Variants in OR5M11 observed in about 807,000 individuals in gnomAD.
OR5M11 encodes olfactory receptor 5M11.
For missense variants in OR5M11, 411 were observed against 375.8 expected (o/e 1.09, Z -0.77); for synonymous variants, 183 against 147.7 (o/e 1.24, Z -1.73).
chr11:56,542,639 A>G lies in OR5M11; in HGVS notation c.619T>C (p.Ser207Pro). The G allele has an allele frequency of 6.2e-7, 1 of 1,613,982 alleles. No individual in the cohort carries two copies. Among genetic ancestry groups the G allele is most frequent in the Non-Finnish European group, 8.5e-7 (1 of 1,179,896 alleles). ...AMFISAGFNL[S>P]SSLTIVLVSY... ...ACCAAGACGATGGTGAGGGAGCTGG[A>G]GAGGTTGAAGCCAGCAGATATGAAC... Residue 207 changes from serine (S) to proline (P), a missense_variant, in exon 1 of 1, where the codon TCC becomes CCC. Ser to Pro is a moderately conservative substitution (Grantham distance 74). Transcript: ENST00000528616.
chr11:56,542,483 T>C lies in OR5M11; in HGVS notation c.775A>G (p.Ile259Val). 6.2e-7 allele frequency: 1 copy of C among 1,614,014 alleles called. No homozygotes were observed. The highest frequency in any genetic ancestry group is 8.5e-7 in the Non-Finnish European group (1 of 1,179,870). ...LFYGTLFCMY[I>V]RPPTDKTVEE... ...ACAGTCTTATCTGTTGGTGGTCTTA[T>C]ATACATGCAAAAGAGAGTCCCATAA... Residue 259 changes from isoleucine (I) to valine (V), a missense_variant, in exon 1 of 1, where the codon ATA becomes GTA. Coordinates refer to ENST00000528616, the MANE Select transcript of OR5M11 (RefSeq NM_001005245.1).
Position 56,543,209 on chromosome 11 carries a change from G to T in OR5M11, c.49C>A (p.Leu17Ile). The change falls in exon 1 of 1, where the codon CTC becomes ATC. Residue 17 changes from leucine to isoleucine, a missense_variant. Coordinates refer to ENST00000528616, the MANE Select transcript of OR5M11 (RefSeq NM_001005245.1). ...GACTGGAGTTCCGGGCAATCTGTGA[G>T]CCCAAGTAAAATGAATTCTGTGATT... is the stretch of plus-strand genomic sequence containing the variant. The part of the protein sequence containing the change: ...SAITEFILLG[L>I]TDCPELQSLL... The T allele has an allele frequency of 6.2e-7, 1 of 1,613,820 alleles. No homozygotes were observed. Among genetic ancestry groups the T allele is most frequent in the African/African-American group, 1.3e-5 (1 of 75,020 alleles).
Position 56,542,399 on chromosome 11 carries a change from A to G in OR5M11, c.859T>C (p.Leu287=), listed in dbSNP as rs138434622. 14 of 1,613,112 alleles carry G rather than the reference A, an allele frequency of 8.7e-6. No homozygotes were observed. In the Admixed American group the frequency reaches 2.3e-4, roughly 27 times the overall value. Residue 287 remains leucine, a synonymous_variant, in exon 1 of 1, where the codon TTG becomes CTG. Coordinates refer to ENST00000528616, the MANE Select transcript of OR5M11 (RefSeq NM_001005245.1). ...TCTTTATTCCTCAGACTGTAGATCAATGGATTAAGTACCGGACTCACAAAG... is the reference window on the plus strand; with the variant it reads ...TCTTTATTCCTCAGACTGTAGATCAGTGGATTAAGTACCGGACTCACAAAG... ...YTFVSPVLNP[L]IYSLRNKDVK... is the part of the protein sequence containing the mutation.
In OR5M11 at chr11:56,542,421, A is replaced by G. The variant is rs924232598; in HGVS notation, c.837T>C (p.Phe279=). ...TCAATGGATTAAGTACCGGACTCAC[A>G]AAGGTGTAAAAGACAGCTATTATTT... ...ESKIIAVFYT[F]VSPVLNPLIY... The change falls in exon 1 of 1, where the codon TTT becomes TTC. Residue 279 remains phenylalanine (F), a synonymous_variant. Transcript: ENST00000528616. The G allele has an allele frequency of 6.2e-7, 1 of 1,613,468 alleles. No individual in the cohort carries two copies. Among genetic ancestry groups the G allele is most frequent in the African/African-American group, 1.3e-5 (1 of 74,918 alleles).
At position 56,542,697 on chromosome 11, in the gene OR5M11, A is replaced by G; in HGVS notation, c.561T>C (p.Ser187=). 6.2e-7 allele frequency: 1 copy of G among 1,613,954 alleles called. No individual in the cohort carries two copies. Among genetic ancestry groups the G allele is most frequent in the South Asian group, 1.1e-5 (1 of 91,074 alleles). The change falls in exon 1 of 1, where the codon TCT becomes TCC. Residue 187 remains serine, a synonymous_variant. Transcript: ENST00000528616. ...GCTCTTTGACATAAGTATCAGAACA[A>G]GAAAGCTTAATGAGCGGCGGGTCAG... is the stretch of plus-strand genomic sequence containing the variant. ...YCADPPLIKL[S]CSDTYVKEHA...
rs769702277 is a variant in OR5M11 at position 56,542,347 on chromosome 11, A to C, written c.911T>G (p.Leu304Arg). 1 of 1,580,440 alleles carries C rather than the reference A, an allele frequency of 6.3e-7. No homozygotes were observed. The highest frequency in any genetic ancestry group is 1.2e-5 in the South Asian group (1 of 86,362). ...KDVKQALKNVLR is the reference protein window; with the variant it reads ...KDVKQALKNVRR Reference sequence around the variant, plus strand: ...CATGGTCATGACAATATTTCATCTCAGGACATTCTTCAAGGCCTGCTTCAC... The same window carrying C: ...CATGGTCATGACAATATTTCATCTCCGGACATTCTTCAAGGCCTGCTTCAC... Residue 304 changes from leucine to arginine, a missense_variant, in exon 1 of 1, where the codon CTG becomes CGG. Transcript: ENST00000528616.
At position 56,542,579 on chromosome 11, in the gene OR5M11, TC is replaced by T. The variant is rs1362118508; in HGVS notation, c.678del (p.Ile227SerfsTer18). The T allele has an allele frequency of 3.7e-6, 6 of 1,613,816 alleles. No individual in the cohort carries two copies. Among genetic ancestry groups the T allele is most frequent in the Non-Finnish European group, 5.1e-6 (6 of 1,179,900 alleles). The part of the protein sequence containing the change: ...SYAFILAAIL[R>X]IKSAEGRHKA... ...TTGTGCCTTCCCTCTGCTGATTTGA[TC>T]CGGAGGATGGCAGCAAGAATGAAGG... On this transcript the variant is annotated frameshift_variant, in exon 1 of 1. Transcript: ENST00000528616. LOFTEE classifies it low-confidence loss of function (END_TRUNC).
At position 56,542,491 on chromosome 11, in the gene OR5M11, CA is replaced by C. The variant is rs1354186124; in HGVS notation, c.766del (p.Cys256AlafsTer4). On this transcript the variant is annotated frameshift_variant, in exon 1 of 1. Coordinates refer to ENST00000528616, the MANE Select transcript of OR5M11 (RefSeq NM_001005245.1). LOFTEE classifies it low-confidence loss of function (END_TRUNC). ...ATCTGTTGGTGGTCTTATATACATGCAAAAGAGAGTCCCATAAAACAGGGTG... is the reference window on the plus strand; with the variant it reads ...ATCTGTTGGTGGTCTTATATACATGCAAAGAGAGTCCCATAAAACAGGGTG... ...AVTLFYGTLF[C>X]MYIRPPTDKT... 1.9e-6 allele frequency: 3 copies of C among 1,613,884 alleles called. No individual in the cohort carries two copies. The highest frequency in any genetic ancestry group is 2.5e-6 in the Non-Finnish European group (3 of 1,179,876).
Position 56,542,947 on chromosome 11 carries a change from A to G in OR5M11, c.311T>C (p.Ile104Thr). ...GTAAAACTCAGTGAGTAGAAGGGCA[A>G]TGAAAATGTAGCACTGTGTAAAGCA... ...AGCFTQCYIF[I>T]ALLLTEFYML... The change falls in exon 1 of 1, where the codon ATT becomes ACT. Residue 104 changes from isoleucine (I) to threonine (T), a missense_variant. Physicochemically the swap from Ile to Thr is moderately conservative, Grantham distance 89. Coordinates refer to ENST00000528616, the MANE Select transcript of OR5M11 (RefSeq NM_001005245.1). The G allele has an allele frequency of 6.2e-7, 1 of 1,614,114 alleles. No homozygotes were observed. The highest frequency in any genetic ancestry group is 8.5e-7 in the Non-Finnish European group (1 of 1,179,976).
At position 56,542,925 on chromosome 11, in the gene OR5M11, A is replaced by G; in HGVS notation, c.333T>C (p.Phe111=). ...YIFIALLLTE[F]YMLAAMAYDR... ...CATAGGCCATTGCTGCCAGCATGTA[A>G]AACTCAGTGAGTAGAAGGGCAATGA... is the stretch of plus-strand genomic sequence containing the variant. The change falls in exon 1 of 1, where the codon TTT becomes TTC. Residue 111 remains phenylalanine (F), a synonymous_variant. Transcript: ENST00000528616. 1 of 1,614,080 alleles carries G rather than the reference A, an allele frequency of 6.2e-7. No homozygotes were observed. Among genetic ancestry groups the G allele is most frequent in the Non-Finnish European group, 8.5e-7 (1 of 1,180,008 alleles).
chr11:56,542,474 G>T lies in OR5M11; in HGVS notation c.784C>A (p.Pro262Thr), dbSNP rs768628441. 6.2e-7 allele frequency: 1 copy of T among 1,613,656 alleles called. No individual in the cohort carries two copies. Among genetic ancestry groups the T allele is most frequent in the Admixed American group, 1.7e-5 (1 of 60,006 alleles). Residue 262 changes from proline (P) to threonine (T), a missense_variant, in exon 1 of 1, where the codon CCA (proline) becomes ACA (threonine). By Grantham distance (38) the Pro-to-Thr change is conservative (BLOSUM62 -1). Coordinates refer to ENST00000528616, the MANE Select transcript of OR5M11 (RefSeq NM_001005245.1). ...GTLFCMYIRPPTDKTVEESKI... is the reference protein window; with the variant it reads ...GTLFCMYIRPTTDKTVEESKI... ...GATTCCTCAACAGTCTTATCTGTTG[G>T]TGGTCTTATATACATGCAAAAGAGA... is the stretch of plus-strand genomic sequence containing the variant.
At position 56,542,943 on chromosome 11, in the gene OR5M11, G is replaced by A. The variant is rs764202109; in HGVS notation, c.315C>T (p.Ala105=). The A allele has an allele frequency of 3.7e-6, 6 of 1,613,970 alleles. No individual in the cohort carries two copies. Among genetic ancestry groups the A allele is most frequent in the Non-Finnish European group, 5.1e-6 (6 of 1,179,932 alleles). ...GCFTQCYIFI[A]LLLTEFYMLA... is the part of the protein sequence containing the mutation. ...GCATGTAAAACTCAGTGAGTAGAAG[G>A]GCAATGAAAATGTAGCACTGTGTAA... Residue 105 remains alanine (A), a synonymous_variant, in exon 1 of 1, where the codon GCC becomes GCT. Coordinates refer to ENST00000528616, the MANE Select transcript of OR5M11 (RefSeq NM_001005245.1).
Position 56,543,041 on chromosome 11 carries a change from A to G in OR5M11, c.217T>C (p.Tyr73His), listed in dbSNP as rs752223890. 43 of 1,613,898 alleles carry G rather than the reference A, an allele frequency of 2.7e-5. No homozygotes were observed. Among genetic ancestry groups the G allele is most frequent in the Admixed American group, 8.3e-5 (5 of 60,004 alleles). Residue 73 changes from tyrosine (Y) to histidine (H), a missense_variant, in exon 1 of 1, where the codon TAT (tyrosine) becomes CAT (histidine). Physicochemically the swap from Tyr to His is moderately conservative, Grantham distance 83 (BLOSUM62 2). Transcript: ENST00000528616. ...ATCTGCGGGGTTGCATTTGATGTAT[A>G]GCACAAATCCACAAAGGCTAAGTTA... The part of the protein sequence containing the change: ...LTNLAFVDLC[Y>H]TSNATPQMST...
rs1290421408 is a variant in OR5M11, at chr11:56,542,708, T to C, written c.550A>G (p.Ile184Val). Reference protein sequence around the residue: ...NHFYCADPPLIKLSCSDTYVK... With the variant: ...NHFYCADPPLVKLSCSDTYVK... ...TAAGTATCAGAACAAGAAAGCTTAATGAGCGGCGGGTCAGCACAGTAGAAG... is the reference window on the plus strand; with the variant it reads ...TAAGTATCAGAACAAGAAAGCTTAACGAGCGGCGGGTCAGCACAGTAGAAG... Residue 184 changes from isoleucine to valine, a missense_variant, in exon 1 of 1, where the codon ATT becomes GTT. Physicochemically the swap from Ile to Val is conservative, Grantham distance 29 (BLOSUM62 3). Transcript: ENST00000528616. The C allele has an allele frequency of 6.2e-7, 1 of 1,613,892 alleles. No individual in the cohort carries two copies.
rs1852855762 is a variant in OR5M11 at position 56,542,932 on chromosome 11, G to A, written c.326C>T (p.Thr109Ile). 1.9e-6 allele frequency: 3 copies of A among 1,613,954 alleles called. No individual in the cohort carries two copies. The highest frequency in any genetic ancestry group is 2.7e-5 in the African/African-American group (2 of 74,918). Residue 109 changes from threonine (T) to isoleucine (I), a missense_variant, in exon 1 of 1, where the codon ACT becomes ATT. Coordinates refer to ENST00000528616, the MANE Select transcript of OR5M11 (RefSeq NM_001005245.1). ...QCYIFIALLL[T>I]EFYMLAAMAY... Reference sequence around the variant, plus strand: ...CATTGCTGCCAGCATGTAAAACTCAGTGAGTAGAAGGGCAATGAAAATGTA... The same window carrying A: ...CATTGCTGCCAGCATGTAAAACTCAATGAGTAGAAGGGCAATGAAAATGTA...
At position 56,543,252 on chromosome 11, in the gene OR5M11, G is replaced by T. The variant is rs774605612; in HGVS notation, c.6C>A (p.Ser2=). 4 of 1,610,188 alleles carry T rather than the reference G, an allele frequency of 2.5e-6. No homozygotes were observed. The African/African-American group carries it at 4.0e-5, about 16-fold the overall frequency. ...CTGTGATTGCACTGCCATTTGTGTT[G>T]GACATTTCCTGACAGTTTGCTCTTC... The part of the protein sequence containing the change: M[S]NTNGSAITEF... The change falls in exon 1 of 1, where the codon TCC becomes TCA. Residue 2 remains serine (S), a synonymous_variant. Coordinates refer to ENST00000528616, the MANE Select transcript of OR5M11 (RefSeq NM_001005245.1).
In OR5M11 at chr11:56,542,600, T is replaced by A. The variant is rs931584172; in HGVS notation, c.658A>T (p.Ile220Phe). 6 of 1,613,878 alleles carry A rather than the reference T, an allele frequency of 3.7e-6. No individual in the cohort carries two copies. The Middle Eastern group carries it at 4.9e-4, about 133-fold the overall frequency. The change falls in exon 1 of 1, where the codon ATT becomes TTT. Residue 220 changes from isoleucine to phenylalanine, a missense_variant. By Grantham distance (21) the Ile-to-Phe change is conservative. Coordinates refer to ENST00000528616, the MANE Select transcript of OR5M11 (RefSeq NM_001005245.1). Reference protein sequence around the residue: ...LTIVLVSYAFILAAILRIKSA... With the variant: ...LTIVLVSYAFFLAAILRIKSA... ...TTGATCCGGAGGATGGCAGCAAGAA[T>A]GAAGGCATAGGACACCAAGACGATG... is the stretch of plus-strand genomic sequence containing the variant.
At position 56,542,503 on chromosome 11, in the gene OR5M11, C is replaced by A. The variant is rs367635237; in HGVS notation, c.755G>T (p.Gly252Val). The A allele has an allele frequency of 1.9e-6, 3 of 1,613,664 alleles. No homozygotes were observed. In the African/African-American group the frequency reaches 4.0e-5, roughly 22 times the overall value. ...SHMMAVTLFY[G>V]TLFCMYIRPP... ...TCTTATATACATGCAAAAGAGAGTC[C>A]CATAAAACAGGGTGACAGCCATCAT... is the stretch of plus-strand genomic sequence containing the variant. The change falls in exon 1 of 1, where the codon GGG (glycine) becomes GTG (valine). Residue 252 changes from glycine to valine, a missense_variant. Transcript: ENST00000528616.
At position 56,543,058 on chromosome 11, in the gene OR5M11, G is replaced by T. The variant is rs1330113649; in HGVS notation, c.200C>A (p.Ala67Asp). The T allele has an allele frequency of 1.9e-6, 3 of 1,613,870 alleles. No individual in the cohort carries two copies. The African/African-American group carries it at 4.0e-5, about 22-fold the overall frequency. Residue 67 changes from alanine (A) to aspartate (D), a missense_variant, in exon 1 of 1, where the codon GCC becomes GAC. Ala to Asp is a moderately radical substitution (Grantham distance 126). Coordinates refer to ENST00000528616, the MANE Select transcript of OR5M11 (RefSeq NM_001005245.1). ...TPMYFFLTNL[A>D]FVDLCYTSNA... is the part of the protein sequence containing the mutation. The stretch of plus-strand genomic sequence containing the variant: ...TGATGTATAGCACAAATCCACAAAG[G>T]CTAAGTTAGTGAGGAAGAAGTACAT...
Sources: allele counts gnomAD v4.1 joint callset, GRCh38; gene constraint gnomAD v4.1.1; transcripts MANE v1.5; gene names NCBI Gene and HGNC (gene_info 2026-07-23, HGNC 2026-07-21).